CAMTA1: variants seen among roughly 807,000 people sequenced by gnomAD.
CAMTA1 encodes the protein calmodulin-binding transcription activator 1.
In CAMTA1, 27 loss-of-function variants were observed where a neutral mutation model predicts 170.9. The ratio of observed to expected loss-of-function variants is 0.16; its 90% CI spans 0.12 to 0.22. CAMTA1 has a LOEUF of 0.22. Among genes scored for constraint, CAMTA1 ranks in the 10% least tolerant of loss-of-function variants. The pLI is 1.00. For missense variants in CAMTA1, 1,619 were observed against 2,217.2 expected, an observed-to-expected ratio of 0.73 and a Z score of 5.42; for synonymous variants, 833 against 891.5, an observed-to-expected ratio of 0.93 and a Z score of 1.17.
At chr1:7,480,264 T>C (rs1426765546) in intron 6 of CAMTA1, among the ~76,000 whole-genome samples, 1 of 150,998 alleles carries the variant, frequency 6.6e-6, no homozygotes, top group African/African-American at 2.4e-5. Context: ...TGTGTGTATG[T>C]GTGTGAGTGC....
At chr1:7,281,908 C>T (rs1383593664) in intron 5 of CAMTA1, among the ~76,000 whole-genome samples, 3 of 151,452 alleles carry the variant, frequency 2.0e-5, no homozygotes, top group African/African-American at 4.9e-5. Context: ...ACCCCCTGTT[C>T]TTTCCCATTG....
chr1:7,273,927 T>C (rs1670212511), intron 5 of CAMTA1, among the ~76,000 whole-genome samples: 1 of 152,100 alleles, frequency 6.6e-6, no homozygotes, highest in African/African-American at 2.4e-5. Flanking sequence ...AATACTATGA[T>C]TGAAGATATA....
At chr1:6,978,199 A>G (rs893119712) in intron 3 of CAMTA1, among the ~76,000 whole-genome samples, 1 of 152,250 alleles carries the variant, frequency 6.6e-6, no homozygotes, top group Non-Finnish European at 1.5e-5. Context: ...ACTTAATTGT[A>G]CATTTGAAAA....
At chr1:7,006,836 C>T (rs188353696) in intron 3 of CAMTA1, among the ~76,000 whole-genome samples, 16 of 152,246 alleles carry the variant, frequency 1.1e-4, no homozygotes, top group South Asian at 2.1e-4. Context: ...CCCCCTTAAC[C>T]TCTTCATGAC....
chr1:6,862,617 T>C (rs1308993222), intron 3 of CAMTA1, among the ~76,000 whole-genome samples: 1 of 152,152 alleles, frequency 6.6e-6, no homozygotes, highest in Non-Finnish European at 1.5e-5. Flanking sequence ...GAAGGAACAT[T>C]TTTCCTTTTT....
At chr1:7,068,351 A>G (rs1709227996) in intron 3 of CAMTA1, among the ~76,000 whole-genome samples, 1 of 151,860 alleles carries the variant, frequency 6.6e-6, no homozygotes, top group Admixed American at 6.6e-5. Context: ...TGAGCTTAAT[A>G]TCTTGTATGT....
At chr1:7,408,710 C>T (rs945726319) in intron 5 of CAMTA1, among the ~76,000 whole-genome samples, 2 of 152,200 alleles carry the variant, frequency 1.3e-5, no homozygotes, top group Non-Finnish European at 2.9e-5. Flanking sequence ...GGGCGCCAGG[C>T]GGCCTGGGTC....
chr1:7,723,948 T>C (rs1342459211), intron 11 of CAMTA1, among the ~76,000 whole-genome samples: 1 of 152,178 alleles, frequency 6.6e-6, no homozygotes, highest in Non-Finnish European at 1.5e-5. Context: ...ATCTCCCAAG[T>C]AGCTGGGATT....
At chr1:7,073,769 C>A (rs1011310456) in intron 3 of CAMTA1, among the ~76,000 whole-genome samples, 2 of 152,120 alleles carry the variant, frequency 1.3e-5, no homozygotes, top group Non-Finnish European at 2.9e-5. Flanking sequence ...AGGTAAAAAT[C>A]TGATAGGAAT....
chr1:7,494,052 C>G (rs1363950092), intron 6 of CAMTA1, among the ~76,000 whole-genome samples: 1 of 151,838 alleles, frequency 6.6e-6, no homozygotes, highest in Non-Finnish European at 1.5e-5. Flanking sequence ...CGTTTCCAAA[C>G]TGGGTTCATT....
intron 3 of CAMTA1, among the ~76,000 whole-genome samples, chr1:6,905,575 C>T (rs1433024173): frequency 1.3e-5 from 2 of 152,148 alleles, no homozygotes; most frequent in African/African-American, 4.8e-5. Context: ...AATAAAGCTT[C>T]AGCTCCTAGT....
At chr1:7,676,191 C>T (rs923056137) in intron 10 of CAMTA1, among the ~76,000 whole-genome samples, 4 of 152,254 alleles carry the variant, frequency 2.6e-5, no homozygotes, top group East Asian at 1.9e-4. Context: ...CTTGGAGACC[C>T]GCCCAGGGAT....
Position 7,216,648 on chromosome 1 carries a change from C to T in CAMTA1, c.303-32843C>T, listed in dbSNP as rs1180837289. Among the ~76,000 whole-genome samples, 1 of 152,122 alleles carries T rather than the reference C, an allele frequency of 6.6e-6. No homozygotes were observed. Among genetic ancestry groups the T allele is most frequent in the East Asian group, 1.9e-4 (1 of 5,180 alleles). On this transcript the variant is annotated intron_variant, in intron 4 of 22. Coordinates refer to ENST00000303635, the MANE Select transcript of CAMTA1 (RefSeq NM_015215.4). This position sits in a 1 kb window ranked among gnomAD's most constrained non-coding sequence, Gnocchi z 4.0. Reference sequence around the variant, plus strand: ...GCCTCAGCCTCCCGAATGGCTGAGACTACAGGCAGGTACCACCACGCCTGG... The same window carrying T: ...GCCTCAGCCTCCCGAATGGCTGAGATTACAGGCAGGTACCACCACGCCTGG...
chr1:7,232,357 A>G (rs6577424), intron 4 of CAMTA1, among the ~76,000 whole-genome samples: 105,047 of 152,132 alleles, frequency 0.69, 37,351 homozygotes, highest in African/African-American at 0.87. Flanking sequence ...CTGCCTGTTC[A>G]TCCCAGTTGT....
rs1196907857 is a variant in CAMTA1, at chr1:7,173,261, C to T, written c.303-76230C>T. ...ATCATCCTAAACTGGGCACGATAAT[C>T]CCCCTGAGGCGGAGTTGTGAGCTGA... On this transcript the variant is annotated intron_variant, in intron 4 of 22. Coordinates refer to ENST00000303635, the MANE Select transcript of CAMTA1 (RefSeq NM_015215.4). This position sits in a 1 kb window ranked among gnomAD's most constrained non-coding sequence, Gnocchi z 5.4. Among the ~76,000 whole-genome samples, 1 of 152,186 alleles carries T rather than the reference C, an allele frequency of 6.6e-6. No homozygotes were observed. Among genetic ancestry groups the T allele is most frequent in the Non-Finnish European group, 1.5e-5 (1 of 68,052 alleles).
At chr1:7,351,707 A>G (rs546146163) in intron 5 of CAMTA1, among the ~76,000 whole-genome samples, 2 of 152,292 alleles carry the variant, frequency 1.3e-5, no homozygotes, top group African/African-American at 2.4e-5. Context: ...CCGGGGTCGG[A>G]TCAGTCAGAG....
At chr1:7,650,858 A>G (rs1576603119) in intron 7 of CAMTA1, among the ~76,000 whole-genome samples, 1 of 152,244 alleles carries the variant, frequency 6.6e-6, no homozygotes, top group East Asian at 1.9e-4. Context: ...AGTTGAACCA[A>G]GAAATCAGAA....
In CAMTA1 at chr1:7,592,640, G is replaced by A. The variant is rs1557970042; in HGVS notation, c.511-47760G>A. Among the ~76,000 whole-genome samples the A allele has an allele frequency of 1.3e-5, 2 of 152,248 alleles. No individual in the cohort carries two copies. The highest frequency in any genetic ancestry group is 4.8e-5 in the African/African-American group (2 of 41,548). On this transcript the variant is annotated intron_variant, in intron 6 of 22. Coordinates refer to ENST00000303635, the MANE Select transcript of CAMTA1 (RefSeq NM_015215.4). The surrounding 1 kb of genome is among the most constrained non-coding windows in gnomAD (Gnocchi z 4.6). ...CGGAATGAGTGGGGAGTGTCCAGGC[G>A]TTGCTGCATGAGTTGCCTCTGGGAG... is the stretch of plus-strand genomic sequence containing the variant.
chr1:7,080,050 G>T (rs940334001), intron 3 of CAMTA1, among the ~76,000 whole-genome samples: 1 of 152,068 alleles, frequency 6.6e-6, no homozygotes, highest in African/African-American at 2.4e-5. Context: ...TTTAAAATGG[G>T]GTACATTTTA....
Sources: gnomAD v4.1 joint callset for allele counts (sites outside exome capture counted in the v4.1 genomes callset) on GRCh38, gnomAD v4.1.1 for gene constraint, Gnocchi (gnomAD v3.1) non-coding constraint, MANE v1.5 for transcripts, NCBI Gene and HGNC (gene_info 2026-07-23, HGNC 2026-07-21) for gene names.